The following RNF216 variants were observed in gnomAD, a reference collection of about 807,000 sequenced individuals.
The protein encoded by RNF216 is ring finger protein 216, also known as E3 ubiquitin-protein ligase RNF216.
Under a neutral mutation model 110.8 loss-of-function variants are expected in RNF216, and 72 were observed. That is an observed-to-expected ratio of 0.65 (90% confidence interval 0.54 to 0.79). The LOEUF (loss-of-function observed/expected upper bound fraction) is 0.79. Ranked by LOEUF, RNF216 falls within the 30% of genes least tolerant of loss-of-function variation. The pLI, the probability that RNF216 is intolerant of heterozygous loss-of-function variation, is 0.00. For synonymous variants in RNF216, 495 were observed against 407.5 expected (o/e 1.21, Z -2.59); for missense variants, 1,342 against 1,141.2 (o/e 1.18, Z -2.54).
chr7:5,746,189 C>A (rs1189487159), intron 3 of RNF216, among the ~76,000 whole-genome samples: 1 of 152,138 alleles, frequency 6.6e-6, no homozygotes, highest in African/African-American at 2.4e-5. Flanking sequence ...CTTTTTAGCA[C>A]CTGGTCTCTT....
intron 13 of RNF216, among the ~76,000 whole-genome samples, chr7:5,656,517 C>G (rs562437094): frequency 6.6e-6 from 1 of 152,092 alleles, no homozygotes; most frequent in Non-Finnish European, 1.5e-5. Context: ...CGGAGTTCAC[C>G]GTCATCCCAA....
intron 13 of RNF216, among the ~76,000 whole-genome samples, chr7:5,691,652 C>T (rs1791348074): frequency 6.6e-6 from 1 of 152,210 alleles, no homozygotes; most frequent in Non-Finnish European, 1.5e-5. Flanking sequence ...TTCTTAGCGT[C>T]CTCAATCAAG....
At chr7:5,718,413 C>G (rs924424269) in intron 9 of RNF216, among the ~76,000 whole-genome samples, 16 of 152,144 alleles carry the variant, frequency 1.1e-4, no homozygotes, top group African/African-American at 3.9e-4. Flanking sequence ...GAGAAAGGGA[C>G]AGCACAAAAG....
At chr7:5,747,664 T>C (rs1207513497) in intron 3 of RNF216, among the ~76,000 whole-genome samples, 1 of 123,620 alleles carries the variant, frequency 8.1e-6, no homozygotes, top group Non-Finnish European at 1.6e-5. Flanking sequence ...GGCACAAGAA[T>C]CACTAAACCT....
intron 13 of RNF216, among the ~76,000 whole-genome samples, chr7:5,698,221 G>A (rs1791745281): frequency 6.6e-6 from 1 of 152,130 alleles, no homozygotes; most frequent in Non-Finnish European, 1.5e-5. Context: ...AAGGTCATGT[G>A]GGCTTTCTTC....
chr7:5,768,077 C>T (rs75922671), intron 1 of RNF216, among the ~76,000 whole-genome samples: 3,623 of 152,080 alleles, frequency 0.024, 160 homozygotes, highest in African/African-American at 0.083. Flanking sequence ...CTAATTTGCA[C>T]ACCTAAAAAA....
chr7:5,622,857 C>A lies in RNF216; in HGVS notation c.*3G>T. The A allele has an allele frequency of 6.3e-7, 1 of 1,593,388 alleles. No individual in the cohort carries two copies. The highest frequency in any genetic ancestry group is 1.1e-5 in the South Asian group (1 of 88,992). On this transcript the variant is annotated 3_prime_UTR_variant, in exon 17 of 17. Transcript: ENST00000389902. ...TGTGCTGCTCAATGGGGATTCGGGG[C>A]CATCAGAAGCGATGCCGCGGCTGGG...
rs373383311 is a variant in RNF216 at position 5,716,723 on chromosome 7, T to C, written c.1688A>G (p.Tyr563Cys). ...LLALQMNEEQ[Y>C]QKDGQLIECR... The stretch of plus-strand genomic sequence containing the variant: ...GGTGAGATTTCAAACTACCTTTTGA[T>C]ACTGTTCTTCATTCATCTGTAGGGC... Residue 563 changes from tyrosine to cysteine, a missense_variant, in exon 10 of 17, where the codon TAT becomes TGT. Physicochemically the swap from Tyr to Cys is radical, Grantham distance 194. Transcript: ENST00000389902. 8 of 1,595,940 alleles carry C rather than the reference T, an allele frequency of 5.0e-6. No individual in the cohort carries two copies. The highest frequency in any genetic ancestry group is 1.3e-5 in the African/African-American group (1 of 74,522).
chr7:5,663,586 GAAA>G (rs35905773), intron 13 of RNF216, among the ~76,000 whole-genome samples: 2 of 80,108 alleles, frequency 2.5e-5, no homozygotes. Flanking sequence ...TCCACCTCAG[GAAA>G]AAAAAAAAAA....
chr7:5,659,241 A>G (rs889025541), intron 13 of RNF216, among the ~76,000 whole-genome samples: 4 of 152,214 alleles, frequency 2.6e-5, no homozygotes, highest in African/African-American at 9.6e-5. Flanking sequence ...TGTATGAGAC[A>G]CCGGAGATAC....
Position 5,752,882 on chromosome 7 carries a change from T to C in RNF216, c.165A>G (p.Glu55=). 5 of 1,612,772 alleles carry C rather than the reference T, an allele frequency of 3.1e-6. No individual in the cohort carries two copies. The highest frequency in any genetic ancestry group is 4.2e-6 in the Non-Finnish European group (5 of 1,179,442). The change falls in exon 3 of 17, where the codon GAA becomes GAG. Residue 55 remains glutamate, a synonymous_variant. Coordinates refer to ENST00000389902, the MANE Select transcript of RNF216 (RefSeq NM_207111.4). Reference sequence around the variant, plus strand: ...TGACATCATCATCCAGGTCCTCTTCTTCATGCTGCTGAGGAGCTGGGGTGA... The same window carrying C: ...TGACATCATCATCCAGGTCCTCTTCCTCATGCTGCTGAGGAGCTGGGGTGA... The part of the protein sequence containing the change: ...MLVTPAPQQH[E]EEDLDDDVIL...
At chr7:5,724,303 G>A (rs1049990797) in intron 8 of RNF216, among the ~76,000 whole-genome samples, 1 of 152,216 alleles carries the variant, frequency 6.6e-6, no homozygotes, top group African/African-American at 2.4e-5. Context: ...AACCATGGCA[G>A]GACATTTCAG....
At chr7:5,727,427 A>C (rs1793827732) in intron 7 of RNF216, among the ~76,000 whole-genome samples, 1 of 152,216 alleles carries the variant, frequency 6.6e-6, no homozygotes. Flanking sequence ...CTCATCTTGC[A>C]CAAACTCTTA....
At position 5,621,534 on chromosome 7, in the gene RNF216, G is replaced by A. The variant is rs889184194; in HGVS notation, c.*1326C>T. On this transcript the variant is annotated 3_prime_UTR_variant, in exon 17 of 17. Coordinates refer to ENST00000389902, the MANE Select transcript of RNF216 (RefSeq NM_207111.4). ...CGAATGACGGTGCCCGCCTGCCCCA[G>A]GCACCTTGGGTGGGCCAGGCCCTGC... The A allele has an allele frequency of 6.6e-6, 1 of 152,294 alleles. No homozygotes were observed. The highest frequency in any genetic ancestry group is 1.5e-5 in the Non-Finnish European group (1 of 68,086). 9.4% of individuals were successfully genotyped at this position (152,294 alleles called of 1,614,324 possible).
At chr7:5,744,239 A>C (rs1186036855) in intron 3 of RNF216, among the ~76,000 whole-genome samples, 1 of 152,266 alleles carries the variant, frequency 6.6e-6, no homozygotes, top group Non-Finnish European at 1.5e-5. Flanking sequence ...AAAATACAAT[A>C]ACTAATGCTA....
intron 13 of RNF216, among the ~76,000 whole-genome samples, chr7:5,688,945 C>G (rs536168240): frequency 6.6e-6 from 1 of 152,106 alleles, no homozygotes; most frequent in Non-Finnish European, 1.5e-5. Flanking sequence ...ATGAGAGAAG[C>G]GGGAAAAATA....
At chr7:5,747,425 C>T (rs183594272) in intron 3 of RNF216, among the ~76,000 whole-genome samples, 64 of 152,342 alleles carry the variant, frequency 4.2e-4, no homozygotes, top group Middle Eastern at 3.4e-3. Context: ...CAGGACCTGA[C>T]AAGTACTATC....
chr7:5,748,549 G>A (rs1455296459), intron 3 of RNF216, among the ~76,000 whole-genome samples: 2 of 150,730 alleles, frequency 1.3e-5, no homozygotes, highest in Non-Finnish European at 3.0e-5. Context: ...GTTTCTTTAT[G>A]ATTTTCTTAA....
intron 7 of RNF216, 69 bp downstream of exon 7, chr7:5,729,363 G>A: frequency 1.3e-6 from 2 of 1,499,908 alleles, no homozygotes; most frequent in East Asian, 4.5e-5. Flanking sequence ...AAGCTGAACT[G>A]TTCATTCTGT....
Sources: gnomAD v4.1 joint callset for allele counts (sites outside exome capture counted in the v4.1 genomes callset) on GRCh38, gnomAD v4.1.1 for gene constraint, MANE v1.5 for transcripts, NCBI Gene and HGNC (gene_info 2026-07-23, HGNC 2026-07-21) for gene names.